Variants in GREM2 observed in about 807,000 individuals in gnomAD.
GREM2 encodes the protein gremlin-2.
A neutral mutation model predicts 14.2 loss-of-function variants in GREM2; 11 were observed. The ratio of observed to expected loss-of-function variants is 0.78; its 90% confidence interval spans 0.49 to 1.28. GREM2 has a LOEUF of 1.28. Among genes scored for constraint, GREM2 ranks in the 50% most tolerant of loss-of-function variants. The pLI, the probability that GREM2 is intolerant of heterozygous loss-of-function variation, is 0.00. For synonymous variants in GREM2, 98 were observed against 97.6 expected (o/e 1.00, Z -0.02); for missense variants, 210 against 218.5 (o/e 0.96, Z 0.24).
intron 1 of GREM2, among the ~76,000 whole-genome samples, chr1:240,535,428 A>G (rs1279219539): frequency 6.6e-6 from 1 of 152,208 alleles, no homozygotes; most frequent in East Asian, 1.9e-4. Flanking sequence ...GATAGTACAA[A>G]GGAGAGATTG....
At chr1:240,494,667 C>A (rs1014827521) in intron 1 of GREM2, among the ~76,000 whole-genome samples, 7 of 152,044 alleles carry the variant, frequency 4.6e-5, no homozygotes, top group Admixed American at 3.9e-4. Flanking sequence ...TTTGGGAGGC[C>A]GAGGCAGGCG....
chr1:240,582,661 G>A (rs1050561591), intron 1 of GREM2, among the ~76,000 whole-genome samples: 2 of 151,896 alleles, frequency 1.3e-5, no homozygotes, highest in Admixed American at 6.6e-5. Context: ...GCTGTGCGTG[G>A]TGACGTGCAC....
intron 1 of GREM2, among the ~76,000 whole-genome samples, chr1:240,552,455 C>T (rs1446424517): frequency 6.6e-6 from 1 of 152,060 alleles, no homozygotes; most frequent in Non-Finnish European, 1.5e-5. Context: ...AATTAGCCAG[C>T]CATGGTGGTA....
At chr1:240,539,542 A>C (rs906747078) in intron 1 of GREM2, among the ~76,000 whole-genome samples, 1 of 152,224 alleles carries the variant, frequency 6.6e-6, no homozygotes, top group African/African-American at 2.4e-5. Context: ...GCTTCTTAAC[A>C]AAAGAGATTT....
chr1:240,509,250 G>T (rs755747811), intron 1 of GREM2, among the ~76,000 whole-genome samples: 2 of 152,054 alleles, frequency 1.3e-5, no homozygotes, highest in African/African-American at 4.8e-5. Context: ...CCCCTGCACC[G>T]GGCCCAGTGG....
At chr1:240,601,693 G>C (rs1679928084) in intron 1 of GREM2, among the ~76,000 whole-genome samples, 1 of 152,116 alleles carries the variant, frequency 6.6e-6, no homozygotes, top group Non-Finnish European at 1.5e-5. Context: ...TCTCTCCTGA[G>C]GTCAGGAGTT....
At chr1:240,568,876 A>G (rs1679212823) in intron 1 of GREM2, among the ~76,000 whole-genome samples, 1 of 152,140 alleles carries the variant, frequency 6.6e-6, no homozygotes. Flanking sequence ...ACTAGGAACA[A>G]ACATTTGGAA....
In GREM2 at chr1:240,510,369, C is replaced by CAAAAA. The variant is rs71170753; in HGVS notation, c.-1-16898_-1-16894dup. Among the ~76,000 whole-genome samples, 91 of 59,544 alleles carry CAAAAA rather than the reference C, an allele frequency of 1.5e-3. 4 individuals carry two copies. The highest frequency in any genetic ancestry group is 0.011 in the Middle Eastern group (1 of 92). The allele number at this position is 59,544 out of a possible 152,430, so 39.1% of individuals were successfully genotyped here. On this transcript the variant is annotated intron_variant, in intron 1 of 1. Coordinates refer to ENST00000318160, the MANE Select transcript of GREM2 (RefSeq NM_022469.4). ...TGGGCGACAGAGCGAGACTCCGTCG[C>CAAAAA]AAAAAAAAAAAAAAAAAAAAAAAAA...
chr1:240,591,736 G>GT (rs1679720257), intron 1 of GREM2, among the ~76,000 whole-genome samples: 1 of 152,188 alleles, frequency 6.6e-6, no homozygotes, highest in African/African-American at 2.4e-5. Context: ...AAGTGAGGGA[G>GT]TTTTTTGAAG....
intron 1 of GREM2, among the ~76,000 whole-genome samples, chr1:240,602,655 A>G (rs1188712846): frequency 1.3e-5 from 2 of 151,622 alleles, no homozygotes; most frequent in East Asian, 3.9e-4. Context: ...CGTCTCTAAT[A>G]AAAATAAAAA....
At chr1:240,574,121 C>T (rs1317580587) in intron 1 of GREM2, among the ~76,000 whole-genome samples, 1 of 151,972 alleles carries the variant, frequency 6.6e-6, no homozygotes, top group Non-Finnish European at 1.5e-5. Context: ...AGGGTTTCAC[C>T]ATGTTGGCCA....
intron 1 of GREM2, among the ~76,000 whole-genome samples, chr1:240,592,346 CA>C (rs1264739025): frequency 6.6e-6 from 1 of 152,022 alleles, no homozygotes; most frequent in Non-Finnish European, 1.5e-5. Context: ...ACCATCATAA[CA>C]GTGGCCTTTT....
At chr1:240,499,130 G>A (rs1022001043) in intron 1 of GREM2, among the ~76,000 whole-genome samples, 3 of 152,212 alleles carry the variant, frequency 2.0e-5, no homozygotes, top group African/African-American at 7.2e-5. Flanking sequence ...CTGAACAGGG[G>A]TTCTACAACA....
intron 1 of GREM2, among the ~76,000 whole-genome samples, chr1:240,608,000 G>A (rs568363310): frequency 1.3e-5 from 2 of 152,334 alleles, no homozygotes; most frequent in Non-Finnish European, 2.9e-5. Flanking sequence ...CAACCATACT[G>A]TTGATGATTA....
chr1:240,517,642 C>A (rs1677981361), intron 1 of GREM2, among the ~76,000 whole-genome samples: 1 of 152,200 alleles, frequency 6.6e-6, no homozygotes, highest in Non-Finnish European at 1.5e-5. Flanking sequence ...AACCAGCCAA[C>A]CTTACTTAAC....
In GREM2 at chr1:240,493,082, G is replaced by A; in HGVS notation, c.394C>T (p.Leu132Phe). 2 of 1,613,756 alleles carry A rather than the reference G, an allele frequency of 1.2e-6. No homozygotes were observed. Among genetic ancestry groups the A allele is most frequent in the Non-Finnish European group, 1.7e-6 (2 of 1,179,672 alleles). Residue 132 changes from leucine (L) to phenylalanine (F), a missense_variant, in exon 2 of 2, where the codon CTC becomes TTC. Transcript: ENST00000318160. Reference protein sequence around the residue: ...FCKPQRVTSVLVELECPGLDP... With the variant: ...FCKPQRVTSVFVELECPGLDP... ...AGGCCGGGGCACTCGAGCTCCACGA[G>A]GACGGAGGTGACGCGCTGGGGCTTG...
At chr1:240,588,449 C>T (rs1459619166) in intron 1 of GREM2, 1 of 152,294 alleles carries the variant, frequency 6.6e-6, no homozygotes. Flanking sequence ...TCTATTGCTG[C>T]AGAGGTATTG....
chr1:240,576,046 G>A (rs1679367291), intron 1 of GREM2, among the ~76,000 whole-genome samples: 1 of 152,092 alleles, frequency 6.6e-6, no homozygotes. Context: ...TATGCGTCCT[G>A]TGAAAGTAAC....
intron 1 of GREM2, among the ~76,000 whole-genome samples, chr1:240,502,606 C>T (rs1003184613): frequency 7.2e-5 from 11 of 152,094 alleles, no homozygotes; most frequent in Non-Finnish European, 1.5e-4. Context: ...CCTGTAGGCA[C>T]CTCAAATTCT....
Sources: gnomAD v4.1 joint callset for allele counts (sites outside exome capture counted in the v4.1 genomes callset) on GRCh38, gnomAD v4.1.1 for gene constraint, MANE v1.5 for transcripts, NCBI Gene and HGNC (gene_info 2026-07-23, HGNC 2026-07-21) for gene names.